The following BCL9 variants were observed in gnomAD, a reference collection of about 807,000 sequenced individuals.
BCL9 encodes the protein B-cell CLL/lymphoma 9 protein.
BCL9 carries 25 observed loss-of-function variants against 88.5 expected under a neutral mutation model. That is an observed-to-expected ratio of 0.28 (90% CI 0.21 to 0.39). BCL9 has a LOEUF of 0.39. BCL9 is among the 10% of genes least tolerant of loss of function. The pLI is 1.00. For synonymous variants in BCL9, 711 were observed against 673.3 expected (o/e 1.06, Z -0.87); for missense variants, 1,817 against 1,877.8 (o/e 0.97, Z 0.60).
At chr1:147,558,368 T>C (rs1309173722) in intron 1 of BCL9, among the ~76,000 whole-genome samples, 2 of 152,134 alleles carry the variant, frequency 1.3e-5, no homozygotes, top group East Asian at 1.9e-4. Flanking sequence ...AAAGCACTTA[T>C]CTTTGGACTT....
chr1:147,562,115 G>A (rs184633355), intron 1 of BCL9, among the ~76,000 whole-genome samples: 38 of 152,226 alleles, frequency 2.5e-4, no homozygotes, highest in African/African-American at 8.9e-4. Flanking sequence ...GATCACCTGA[G>A]GTCGGGAGTT....
chr1:147,599,555 G>T (rs1331278911), intron 1 of BCL9, among the ~76,000 whole-genome samples: 1 of 152,002 alleles, frequency 6.6e-6, no homozygotes, highest in Non-Finnish European at 1.5e-5. Flanking sequence ...GAGTGAGCGC[G>T]TGGGGAGGAG....
intron 1 of BCL9, among the ~76,000 whole-genome samples, chr1:147,542,384 T>C (rs1654372330): frequency 6.6e-6 from 1 of 152,220 alleles, no homozygotes; most frequent in Non-Finnish European, 1.5e-5. Flanking sequence ...CGTGCCTCAA[T>C]TTCCCCATCT....
chr1:147,616,588 A>C (rs1302060384), intron 7 of BCL9, among the ~76,000 whole-genome samples: 2 of 152,070 alleles, frequency 1.3e-5, no homozygotes, highest in Non-Finnish European at 2.9e-5. Flanking sequence ...TAACCCAGTG[A>C]AACCCCGTCT....
chr1:147,623,802 T>A (rs1488846468), intron 9 of BCL9, 40 bp from the exon 10 acceptor site: 9 of 1,559,808 alleles, frequency 5.8e-6, no homozygotes, highest in Non-Finnish European at 7.8e-6. Flanking sequence ...TGAGTTGATT[T>A]TTGGTTAAGT....
At chr1:147,583,046 T>A (rs782454252) in intron 1 of BCL9, among the ~76,000 whole-genome samples, 7 of 152,244 alleles carry the variant, frequency 4.6e-5, no homozygotes, top group Non-Finnish European at 7.3e-5. Flanking sequence ...TTTCTTTGAT[T>A]ACTAGTTAGG....
intron 1 of BCL9, among the ~76,000 whole-genome samples, chr1:147,559,670 T>C (rs1212855198): frequency 6.6e-6 from 1 of 152,210 alleles, no homozygotes; most frequent in Non-Finnish European, 1.5e-5. Flanking sequence ...AAGAGAGTGC[T>C]TTTGACCCCA....
intron 1 of BCL9, among the ~76,000 whole-genome samples, chr1:147,584,813 A>T (rs1656528582): frequency 6.6e-6 from 1 of 152,236 alleles, no homozygotes; most frequent in African/African-American, 2.4e-5. Context: ...GAACCTTCCT[A>T]CTAAACAAGA....
chr1:147,602,103 G>T (rs1431398956), intron 1 of BCL9, among the ~76,000 whole-genome samples: 2 of 151,950 alleles, frequency 1.3e-5, no homozygotes, highest in Non-Finnish European at 2.9e-5. Flanking sequence ...GTTTCACCAT[G>T]TTGGCCAGGG....
At chr1:147,559,007 A>G (rs200859301) in intron 1 of BCL9, among the ~76,000 whole-genome samples, 3 of 152,126 alleles carry the variant, frequency 2.0e-5, no homozygotes, top group Non-Finnish European at 4.4e-5. Flanking sequence ...ACATGCTTCT[A>G]TGTAGGCAAC....
At chr1:147,564,273 A>T (rs1296049726) in intron 1 of BCL9, among the ~76,000 whole-genome samples, 1 of 152,088 alleles carries the variant, frequency 6.6e-6, no homozygotes, top group Non-Finnish European at 1.5e-5. Flanking sequence ...TTCATTTCTC[A>T]TAACAGACAC....
intron 9 of BCL9, 30 bp from the exon 10 acceptor site, chr1:147,623,812 T>C (rs587595638): frequency 6.3e-7 from 1 of 1,577,382 alleles, no homozygotes; most frequent in African/African-American, 1.4e-5. Context: ...TTTGGTTAAG[T>C]TGATTCCTTT....
intron 1 of BCL9, among the ~76,000 whole-genome samples, chr1:147,548,544 T>C (rs587689889): frequency 6.6e-6 from 1 of 152,314 alleles, no homozygotes; most frequent in Non-Finnish European, 1.5e-5. Context: ...GTGGCTCTTA[T>C]CATACTGCAC....
chr1:147,604,189 T>C (rs782414395), intron 1 of BCL9, among the ~76,000 whole-genome samples: 3 of 152,156 alleles, frequency 2.0e-5, no homozygotes, highest in Non-Finnish European at 4.4e-5. Flanking sequence ...TACTTAGAGG[T>C]TGGTCAAAAT....
At chr1:147,613,502 G>T (rs1476788978) in intron 5 of BCL9, among the ~76,000 whole-genome samples, 1 of 152,164 alleles carries the variant, frequency 6.6e-6, no homozygotes, top group Non-Finnish European at 1.5e-5. Context: ...TATGCTGTTT[G>T]TACTTTAGTT....
intron 1 of BCL9, among the ~76,000 whole-genome samples, chr1:147,600,668 G>A (rs1657341724): frequency 6.6e-6 from 1 of 152,092 alleles, no homozygotes; most frequent in South Asian, 2.1e-4. Flanking sequence ...GGATGCAGGA[G>A]TGTTGGAGGG....
intron 1 of BCL9, among the ~76,000 whole-genome samples, chr1:147,586,497 C>T (rs587666289): frequency 9.2e-5 from 14 of 152,274 alleles, no homozygotes; most frequent in African/African-American, 3.4e-4. Context: ...GGTCACCTTC[C>T]TTTTTGGCCT....
intron 1 of BCL9, among the ~76,000 whole-genome samples, chr1:147,565,056 T>C (rs1432800640): frequency 6.6e-6 from 1 of 152,206 alleles, no homozygotes; most frequent in Non-Finnish European, 1.5e-5. Context: ...AACGTTCTAG[T>C]GGACAACACT....
intron 1 of BCL9, among the ~76,000 whole-genome samples, chr1:147,590,754 A>T (rs947631308): frequency 6.6e-6 from 1 of 152,240 alleles, no homozygotes; most frequent in Non-Finnish European, 1.5e-5. Context: ...TTGTTACATA[A>T]TACATGCAAA....
Sources: gnomAD v4.1 joint callset for allele counts (sites outside exome capture counted in the v4.1 genomes callset) on GRCh38, gnomAD v4.1.1 for gene constraint, MANE v1.5 for transcripts, NCBI Gene and HGNC (gene_info 2026-07-23, HGNC 2026-07-21) for gene names.